CDKAL1: variants seen among roughly 807,000 people sequenced by gnomAD.
The protein encoded by CDKAL1 is CDKAL1 threonylcarbamoyladenosine tRNA methylthiotransferase.
A neutral mutation model predicts 68.2 loss-of-function variants in CDKAL1; 32 were observed. The observed-to-expected ratio is 0.47, with a 90% CI of 0.35 to 0.63. The LOEUF (loss-of-function observed/expected upper bound fraction) is 0.63. Ranked by LOEUF, CDKAL1 falls within the 30% of genes least tolerant of loss-of-function variation. The pLI is 0.00. For synonymous variants in CDKAL1, 234 were observed against 244.3 expected (o/e 0.96, Z 0.39); for missense variants, 606 against 696.7 (o/e 0.87, Z 1.47).
intron 12 of CDKAL1, among the ~76,000 whole-genome samples, chr6:21,101,493 C>G (rs1368137073): frequency 1.3e-5 from 2 of 152,160 alleles, no homozygotes; most frequent in Non-Finnish European, 2.9e-5. Context: ...TGGCCCAAGA[C>G]CAAACAGCTA....
intron 13 of CDKAL1, among the ~76,000 whole-genome samples, chr6:21,157,733 T>A (rs1179899528): frequency 1.8e-4 from 28 of 152,202 alleles, no homozygotes; most frequent in Non-Finnish European, 1.6e-4. Flanking sequence ...CAAAACAGTC[T>A]TTGAGAAATG....
intron 4 of CDKAL1, among the ~76,000 whole-genome samples, chr6:20,638,521 G>A (rs183566569): frequency 2.2e-4 from 33 of 152,208 alleles, no homozygotes; most frequent in Non-Finnish European, 3.4e-4. Flanking sequence ...TGGCTGGATC[G>A]TGAAGGGCCC....
At chr6:20,639,574 A>G (rs912089719) in intron 4 of CDKAL1, among the ~76,000 whole-genome samples, 5 of 152,242 alleles carry the variant, frequency 3.3e-5, no homozygotes, top group Admixed American at 6.5e-5. Context: ...TTTTGAAAAC[A>G]TGGTTACTCC....
At chr6:20,562,759 C>A (rs546993896) in intron 4 of CDKAL1, among the ~76,000 whole-genome samples, 52 of 151,604 alleles carry the variant, frequency 3.4e-4, no homozygotes, top group African/African-American at 1.2e-3. Flanking sequence ...AAAAAAAATT[C>A]ATTGTTAGCA....
intron 4 of CDKAL1, among the ~76,000 whole-genome samples, chr6:20,640,183 A>T (rs944376587): frequency 3.0e-4 from 12 of 39,752 alleles, no homozygotes; most frequent in South Asian, 1.1e-3. Context: ...AACTCTCAAA[A>T]CATGCTTTTT....
At chr6:20,593,555 C>T (rs1363494428) in intron 4 of CDKAL1, among the ~76,000 whole-genome samples, 1 of 149,212 alleles carries the variant, frequency 6.7e-6, no homozygotes, top group East Asian at 1.9e-4. Context: ...TTCGATTCTT[C>T]TCTCTTTTCT....
intron 7 of CDKAL1, among the ~76,000 whole-genome samples, chr6:20,766,278 C>G (rs1168895654): frequency 1.3e-5 from 2 of 151,988 alleles, no homozygotes; most frequent in Non-Finnish European, 2.9e-5. Flanking sequence ...ATTTCTCTAA[C>G]TTTTGATTTC....
intron 10 of CDKAL1, among the ~76,000 whole-genome samples, chr6:20,981,068 G>T (rs1286058203): frequency 6.6e-6 from 1 of 152,118 alleles, no homozygotes; most frequent in Non-Finnish European, 1.5e-5. Flanking sequence ...AGTGGATGAG[G>T]GCAAGAAATT....
chr6:20,963,924 T>C (rs1010465786), intron 10 of CDKAL1, among the ~76,000 whole-genome samples: 1 of 152,134 alleles, frequency 6.6e-6, no homozygotes, highest in African/African-American at 2.4e-5. Flanking sequence ...CACATTGTGG[T>C]ATAAACTTCT....
intron 13 of CDKAL1, among the ~76,000 whole-genome samples, chr6:21,127,506 T>C (rs1441902006): frequency 2.6e-5 from 4 of 152,138 alleles, no homozygotes; most frequent in African/African-American, 9.7e-5. Flanking sequence ...TCCCAATACT[T>C]TGGGAGGCCG....
At chr6:21,094,623 A>G (rs1332023303) in intron 12 of CDKAL1, among the ~76,000 whole-genome samples, 2 of 152,234 alleles carry the variant, frequency 1.3e-5, no homozygotes, top group Non-Finnish European at 2.9e-5. Context: ...TACAATAAAT[A>G]GAAAGAACTT....
intron 5 of CDKAL1, among the ~76,000 whole-genome samples, chr6:20,736,818 TTTTGCC>T (rs950920120): frequency 5.3e-5 from 8 of 152,052 alleles, no homozygotes; most frequent in African/African-American, 1.9e-4. Context: ...TCTCTGATCC[TTTTGCC>T]TAGGGTATTA....
intron 13 of CDKAL1, among the ~76,000 whole-genome samples, chr6:21,190,364 G>T (rs536722591): frequency 5.9e-4 from 89 of 151,058 alleles, no homozygotes; most frequent in Admixed American, 2.0e-3. Context: ...TATGTGTGGG[G>T]TTTTTTTTGT....
At chr6:20,602,853 T>C (rs1038204421) in intron 4 of CDKAL1, among the ~76,000 whole-genome samples, 2 of 152,212 alleles carry the variant, frequency 1.3e-5, no homozygotes, top group Non-Finnish European at 2.9e-5. Context: ...ACCATATTCA[T>C]TGTATGCTTT....
In CDKAL1 at chr6:20,568,568, C is replaced by T. The variant is rs374068463; in HGVS notation, c.286+19863C>T. On this transcript the variant is annotated intron_variant, in intron 4 of 15. Coordinates refer to ENST00000274695, the MANE Select transcript of CDKAL1 (RefSeq NM_017774.3). ...CTAACACGGTAAAACCCCGTCTCTA[C>T]TAACAATACAAAAAAAATTAGCCGG... Among the ~76,000 whole-genome samples the T allele has an allele frequency of 2.6e-5, 4 of 151,852 alleles. No individual in the cohort carries two copies. In the East Asian group the frequency reaches 5.9e-4, roughly 22 times the overall value.
At chr6:20,896,978 C>A (rs1363820043) in intron 9 of CDKAL1, among the ~76,000 whole-genome samples, 1 of 152,208 alleles carries the variant, frequency 6.6e-6, no homozygotes, top group Admixed American at 6.5e-5. Context: ...ACTGCTATTA[C>A]AAAATGCCTT....
chr6:20,929,399 C>A (rs1341951119), intron 9 of CDKAL1, among the ~76,000 whole-genome samples: 4 of 151,998 alleles, frequency 2.6e-5, no homozygotes, highest in African/African-American at 9.7e-5. Context: ...AAGGGAAAAC[C>A]CAGGAAAGCA....
At chr6:20,761,588 T>G (rs1330906946) in intron 7 of CDKAL1, among the ~76,000 whole-genome samples, 1 of 152,034 alleles carries the variant, frequency 6.6e-6, no homozygotes, top group Non-Finnish European at 1.5e-5. Flanking sequence ...TATTTGACAC[T>G]AAAAGAAATG....
chr6:21,096,233 T>C (rs1246196277), intron 12 of CDKAL1, among the ~76,000 whole-genome samples: 1 of 152,202 alleles, frequency 6.6e-6, no homozygotes, highest in Non-Finnish European at 1.5e-5. Flanking sequence ...GCATTGGCTT[T>C]GATCAGTTTT....
Sources: gnomAD v4.1 joint callset for allele counts (sites outside exome capture counted in the v4.1 genomes callset) on GRCh38, gnomAD v4.1.1 for gene constraint, MANE v1.5 for transcripts, NCBI Gene and HGNC (gene_info 2026-07-23, HGNC 2026-07-21) for gene names.